The following CFAP251 variants were observed in gnomAD, a reference collection of about 807,000 sequenced individuals.
CFAP251 encodes the protein cilia- and flagella-associated protein 251.
In CFAP251, 93 loss-of-function variants were observed where a neutral mutation model predicts 126.7. The ratio of observed to expected loss-of-function variants is 0.73; its 90% CI spans 0.62 to 0.87. The LOEUF (loss-of-function observed/expected upper bound fraction) is 0.87, where lower values mean the gene tolerates loss of function less well. Ranked by LOEUF, CFAP251 falls within the 40% of genes least tolerant of loss-of-function variation. The pLI is 0.00. For missense variants in CFAP251, 1,287 were observed against 1,389.2 expected (o/e 0.93, Z 1.17); for synonymous variants, 503 against 506.9 (o/e 0.99, Z 0.10).
intron 3 of CFAP251, among the ~76,000 whole-genome samples, chr12:121,925,039 C>T (rs369092239): frequency 1.2e-3 from 184 of 151,738 alleles, no homozygotes; most frequent in African/African-American, 4.3e-3. Context: ...TTTTCTCTCA[C>T]ATTGTAAAAC....
intron 21 of CFAP251, 78 bp from the exon 22 acceptor site, chr12:122,003,574 A>G: frequency 8.4e-7 from 1 of 1,188,338 alleles, no homozygotes; most frequent in African/African-American, 1.5e-5. Flanking sequence ...CCCTGTCTCA[A>G]ACCCCTCCCC....
At chr12:121,970,797 G>A (rs1198031614) in intron 17 of CFAP251, among the ~76,000 whole-genome samples, 1 of 152,252 alleles carries the variant, frequency 6.6e-6, no homozygotes, top group East Asian at 1.9e-4. Context: ...ACTTGGCCCT[G>A]CTGTTGGCTT....
chr12:121,963,798 G>A (rs1168039040), intron 15 of CFAP251, among the ~76,000 whole-genome samples: 1 of 151,084 alleles, frequency 6.6e-6, no homozygotes, highest in Non-Finnish European at 1.5e-5. Context: ...GTCAAACAGG[G>A]CAGGACTTGA....
Position 121,962,141 on chromosome 12 carries a change from A to C in CFAP251, c.2471A>C (p.Asn824Thr). Residue 824 changes from asparagine to threonine, a missense_variant, in exon 15 of 22, where the codon AAT becomes ACT. By Grantham distance (65) the Asn-to-Thr change is moderately conservative (BLOSUM62 0). Transcript: ENST00000288912. ...CNSGYKVKLF[N>T]ATTKMCRKTL... is the part of the protein sequence containing the mutation. ...AGTGGCTACAAAGTGAAGCTTTTTA[A>C]TGCTACTACCAAAATGTGCAGGTAA... is the stretch of plus-strand genomic sequence containing the variant. The C allele has an allele frequency of 6.2e-7, 1 of 1,613,548 alleles. No homozygotes were observed. Among genetic ancestry groups the C allele is most frequent in the Non-Finnish European group, 8.5e-7 (1 of 1,179,986 alleles).
intron 19 of CFAP251, chr12:121,992,124 C>T (rs1882889715): frequency 1.2e-6 from 1 of 807,538 alleles, no homozygotes; most frequent in South Asian, 5.7e-5. Context: ...GACTGACAAC[C>T]ACCAGTGCGT....
intron 17 of CFAP251, 107 bp downstream of exon 17, chr12:121,968,276 C>A: frequency 8.6e-7 from 1 of 1,162,876 alleles, no homozygotes; most frequent in Non-Finnish European, 1.2e-6. Context: ...GCTAGGATGT[C>A]ACAGGGCCTG....
At chr12:121,964,145 TTTGTTGTTG>T (rs10581852) in intron 15 of CFAP251, among the ~76,000 whole-genome samples, 29 of 149,876 alleles carry the variant, frequency 1.9e-4, no homozygotes, top group South Asian at 2.1e-4. Context: ...CCACCCGGGA[TTTGTTGTTG>T]TTGTTGTTGT....
intron 19 of CFAP251, among the ~76,000 whole-genome samples, chr12:121,977,799 CA>C (rs533109011): frequency 0.014 from 1,898 of 135,982 alleles, 19 homozygotes; most frequent in Non-Finnish European, 0.021. Context: ...ATGAAAAATA[CA>C]AAAAAAAAAT....
At chr12:121,937,518 G>C (rs1880941176) in intron 5 of CFAP251, among the ~76,000 whole-genome samples, 1 of 152,166 alleles carries the variant, frequency 6.6e-6, no homozygotes. Context: ...GATCACTAGA[G>C]CGCAGCACCA....
rs773948972 is a variant in CFAP251, at chr12:121,937,289, C to T, written c.998+2933C>T. Among the ~76,000 whole-genome samples, 61 of 152,142 alleles carry T rather than the reference C, an allele frequency of 4.0e-4. 2 individuals carry two copies. Among genetic ancestry groups the T allele is most frequent in the South Asian group, 2.1e-4 (1 of 4,830 alleles). On this transcript the variant is annotated intron_variant, in intron 5 of 21. Transcript: ENST00000288912. ...GACGCATCCCTCCAATCTCTGCCGC[C>T]ATCTTCCCATGACATTCCCACCATG...
chr12:121,969,477 C>T (rs909916410), intron 17 of CFAP251: 43 of 985,120 alleles, frequency 4.4e-5, no homozygotes, highest in Non-Finnish European at 4.9e-5. Context: ...ACAAGCAGAA[C>T]CTTCCCTTCT....
chr12:122,002,697 T>A (rs1047928877), intron 21 of CFAP251, among the ~76,000 whole-genome samples: 4 of 152,158 alleles, frequency 2.6e-5, no homozygotes, highest in African/African-American at 9.7e-5. Context: ...TTTCACCTTT[T>A]CGTGCACTGG....
intron 3 of CFAP251, among the ~76,000 whole-genome samples, chr12:121,930,876 G>C (rs1004943256): frequency 6.6e-6 from 1 of 151,530 alleles, no homozygotes. Context: ...AGCCTCCTGA[G>C]TAGCTGGGAG....
intron 11 of CFAP251, among the ~76,000 whole-genome samples, chr12:121,957,703 CA>C (rs11416000): frequency 0.011 from 1,214 of 110,900 alleles, 23 homozygotes; most frequent in East Asian, 0.039. Context: ...GACTCTGTCT[CA>C]AAAAAAAAAA....
intron 19 of CFAP251, among the ~76,000 whole-genome samples, chr12:121,988,733 TTTCTTTTTTTTC>T (rs1882807564): frequency 6.6e-6 from 1 of 151,658 alleles, no homozygotes; most frequent in South Asian, 2.1e-4. Context: ...TGGATTTTTT[TTTCTTTTTTTTC>T]TCTTTTTTTT....
chr12:121,943,570 G>A (rs1347394542), intron 7 of CFAP251, among the ~76,000 whole-genome samples: 4 of 151,812 alleles, frequency 2.6e-5, no homozygotes, highest in Non-Finnish European at 5.9e-5. Context: ...TTACAGGCAC[G>A]TGCCACCACG....
intron 7 of CFAP251, among the ~76,000 whole-genome samples, chr12:121,945,760 G>A (rs59972569): frequency 0.25 from 37,916 of 151,620 alleles, 5,959 homozygotes; most frequent in East Asian, 0.5. Context: ...TTGCCTCCTG[G>A]GTTCACGCCA....
chr12:121,922,615 C>T (rs1880231463), intron 2 of CFAP251, among the ~76,000 whole-genome samples: 1 of 152,028 alleles, frequency 6.6e-6, no homozygotes, highest in South Asian at 2.1e-4. Context: ...CAGACTGCTC[C>T]CAGTAGGAGA....
At position 121,975,604 on chromosome 12, in the gene CFAP251, C is replaced by G; in HGVS notation, c.2925C>G (p.Thr975=). 6.2e-7 allele frequency: 1 copy of G among 1,604,326 alleles called. No individual in the cohort carries two copies. The highest frequency in any genetic ancestry group is 1.8e-5 in the Admixed American group (1 of 56,530). The part of the protein sequence containing the change: ...LRSQGIDTME[T]RKVSEHICLS... The stretch of plus-strand genomic sequence containing the variant: ...GTCAAGGCATCGACACAATGGAGAC[C>G]AGAAAGGTGTCAGAACACATTTGCC... Residue 975 remains threonine, a synonymous_variant, in exon 19 of 22, where the codon ACC becomes ACG. Coordinates refer to ENST00000288912, the MANE Select transcript of CFAP251 (RefSeq NM_144668.6).
Sources: gnomAD v4.1 joint callset for allele counts (sites outside exome capture counted in the v4.1 genomes callset) on GRCh38, gnomAD v4.1.1 for gene constraint, MANE v1.5 for transcripts, NCBI Gene and HGNC (gene_info 2026-07-23, HGNC 2026-07-21) for gene names.